XRN2: variants seen among roughly 807,000 people sequenced by gnomAD.
The protein encoded by XRN2 is 5'-3' exoribonuclease 2, also known as DHM1-like protein.
A neutral mutation model predicts 138.5 loss-of-function variants in XRN2; 44 were observed. The observed-to-expected ratio is 0.32, with a 90% CI of 0.25 to 0.41. The LOEUF (loss-of-function observed/expected upper bound fraction) is 0.41, where lower values mean the gene tolerates loss of function less well. Among genes scored for constraint, XRN2 ranks in the 10% least tolerant of loss-of-function variants. The probability of loss-of-function intolerance (pLI) is 1.00; values close to 1 mark genes in which losing one functional copy is unlikely to be tolerated. For synonymous variants in XRN2, 354 were observed against 369.4 expected, an observed-to-expected ratio of 0.96 and a Z score of 0.48; for missense variants, 937 against 1,169.3, an observed-to-expected ratio of 0.80 and a Z score of 2.90.
At chr20:21,375,163 A>T (rs919689524) in intron 27 of XRN2, among the ~76,000 whole-genome samples, 1 of 150,454 alleles carries the variant, frequency 6.6e-6, no homozygotes, top group Non-Finnish European at 1.5e-5. Context: ...TCTTTTCTTG[A>T]TTAGTGTTGC....
In XRN2 at chr20:21,389,437, A is replaced by G; in HGVS notation, c.*99A>G. On this transcript the variant is annotated 3_prime_UTR_variant, in exon 30 of 30. Coordinates refer to ENST00000377191, the MANE Select transcript of XRN2 (RefSeq NM_012255.5). ...AAGTAGTAGTTTTTAATAAAACTACAGTACTTTGTGTATTTCTTTTAACTG... is the reference window on the plus strand; with the variant it reads ...AAGTAGTAGTTTTTAATAAAACTACGGTACTTTGTGTATTTCTTTTAACTG... 1 of 1,089,370 alleles carries G rather than the reference A, an allele frequency of 9.2e-7. No homozygotes were observed. The highest frequency in any genetic ancestry group is 1.3e-6 in the Non-Finnish European group (1 of 756,412). The allele number at this position is 1,089,370 out of a possible 1,614,324, so 67.5% of individuals were successfully genotyped here.
chr20:21,335,940 A>T (rs1017390293), intron 13 of XRN2, among the ~76,000 whole-genome samples: 1 of 152,196 alleles, frequency 6.6e-6, no homozygotes, highest in African/African-American at 2.4e-5. Flanking sequence ...ATGATTGGAC[A>T]CCAGGGGAAA....
intron 27 of XRN2, among the ~76,000 whole-genome samples, chr20:21,373,618 C>T (rs2038786312): frequency 6.6e-6 from 1 of 152,196 alleles, no homozygotes; most frequent in Non-Finnish European, 1.5e-5. Context: ...GTTCTGGTTG[C>T]TTCATGTTGT....
chr20:21,329,828 C>T (rs1600684092), intron 4 of XRN2, among the ~76,000 whole-genome samples: 1 of 77,160 alleles, frequency 1.3e-5, no homozygotes, highest in East Asian at 6.0e-4. Flanking sequence ...ATTTTAGGAA[C>T]TGTTATCAAA....
chr20:21,357,913 T>G, intron 24 of XRN2, 121 bp downstream of exon 24: 1 of 739,012 alleles, frequency 1.4e-6, no homozygotes, highest in Non-Finnish European at 2.2e-6. Flanking sequence ...GCTTCGAGAT[T>G]GGAGAGTCCC....
At chr20:21,350,386 T>C (rs1000876948) in intron 20 of XRN2, among the ~76,000 whole-genome samples, 5 of 151,080 alleles carry the variant, frequency 3.3e-5, no homozygotes, top group East Asian at 1.9e-4. Flanking sequence ...ATTAGCCTGG[T>C]GTGGTGGCGG....
intron 15 of XRN2, 110 bp from the exon 16 acceptor site, chr20:21,343,980 A>G (rs2038404294): frequency 1.3e-6 from 1 of 744,800 alleles, no homozygotes; most frequent in African/African-American, 1.7e-5. Context: ...TCTATGTAGT[A>G]GCTTTAAAAA....
intron 17 of XRN2, among the ~76,000 whole-genome samples, chr20:21,347,871 T>G (rs2038457889): frequency 6.6e-6 from 1 of 152,194 alleles, no homozygotes; most frequent in African/African-American, 2.4e-5. Flanking sequence ...TACCAAATTG[T>G]GTTTGTGAAT....
chr20:21,367,518 C>CTT (rs560407810), intron 26 of XRN2, among the ~76,000 whole-genome samples: 1 of 144,438 alleles, frequency 6.9e-6, no homozygotes, highest in Non-Finnish European at 1.5e-5. Flanking sequence ...ATTCAGATAC[C>CTT]TTTTTTTTTT....
At chr20:21,323,151 C>G (rs1432400961) in intron 1 of XRN2, among the ~76,000 whole-genome samples, 1 of 152,226 alleles carries the variant, frequency 6.6e-6, no homozygotes, top group East Asian at 1.9e-4. Context: ...TGTTAGCCCA[C>G]CTTTGGCAGC....
At chr20:21,368,364 G>A in intron 26 of XRN2, 99 bp from the exon 27 acceptor site, 1 of 1,440,354 alleles carries the variant, frequency 6.9e-7, no homozygotes, top group Non-Finnish European at 9.4e-7. Flanking sequence ...ATCTGTTAGT[G>A]AAGACGTGGC....
chr20:21,387,872 T>C (rs1462370027), intron 29 of XRN2, among the ~76,000 whole-genome samples: 1 of 152,230 alleles, frequency 6.6e-6, no homozygotes, highest in Non-Finnish European at 1.5e-5. Context: ...AGGAACATAT[T>C]TTGTATGTTT....
chr20:21,356,301 C>T, intron 22 of XRN2, 124 bp downstream of exon 22: 1 of 741,632 alleles, frequency 1.3e-6, no homozygotes, highest in Non-Finnish European at 2.1e-6. Context: ...AGTATATTTC[C>T]AGTGTTGTAT....
chr20:21,380,754 T>A (rs1469614489), intron 27 of XRN2, among the ~76,000 whole-genome samples: 3 of 152,260 alleles, frequency 2.0e-5, no homozygotes, highest in Admixed American at 1.3e-4. Context: ...GAGGTGGGTT[T>A]GGCACCCATG....
chr20:21,348,333 T>C lies in XRN2; in HGVS notation c.1774-8T>C. The C allele has an allele frequency of 4.3e-6, 7 of 1,612,960 alleles. No individual in the cohort carries two copies. The highest frequency in any genetic ancestry group is 5.9e-6 in the Non-Finnish European group (7 of 1,179,712). On this transcript the variant is annotated splice_polypyrimidine_tract_variant and splice_region_variant and intron_variant, in intron 18 of 29. Transcript: ENST00000377191. ...ATCTTGGGTCTTTAATGTTTTTTCT[T>C]TTTTCAGTTTAAACCACTAGAACAA...
intron 28 of XRN2, among the ~76,000 whole-genome samples, chr20:21,384,159 GAC>G: frequency 6.6e-6 from 1 of 152,104 alleles, no homozygotes; most frequent in Non-Finnish European, 1.5e-5. Context: ...TCCCAACACA[GAC>G]ACAGCCTAGA....
At chr20:21,340,536 G>A (rs1465882903) in intron 14 of XRN2, among the ~76,000 whole-genome samples, 185 bp from the exon 15 acceptor site, 4 of 152,244 alleles carry the variant, frequency 2.6e-5, no homozygotes, top group African/African-American at 9.6e-5. Flanking sequence ...TGTTTAGAAG[G>A]TATAAGTTAC....
intron 9 of XRN2, among the ~76,000 whole-genome samples, chr20:21,332,723 A>T (rs1281914808): frequency 6.6e-6 from 1 of 152,168 alleles, no homozygotes; most frequent in Non-Finnish European, 1.5e-5. Flanking sequence ...AGTACTTTAA[A>T]ATAAACCTGC....
chr20:21,368,504 A>G lies in XRN2; in HGVS notation c.2498A>G (p.Asn833Ser), dbSNP rs1249452250. The change falls in exon 27 of 30, where the codon AAT becomes AGT. Residue 833 changes from asparagine (N) to serine (S), a missense_variant. Coordinates refer to ENST00000377191, the MANE Select transcript of XRN2 (RefSeq NM_012255.5). Reference sequence around the variant, plus strand: ...GGCTCAGGAACTGGCATTTACAGCAATGCTGCACCACCACCTGTGACTTAC... The same window carrying G: ...GGCTCAGGAACTGGCATTTACAGCAGTGCTGCACCACCACCTGTGACTTAC... ...PRGSGTGIYS[N>S]AAPPPVTYQG... The G allele has an allele frequency of 3.1e-6, 5 of 1,613,952 alleles. No individual in the cohort carries two copies. Among genetic ancestry groups the G allele is most frequent in the Non-Finnish European group, 3.4e-6 (4 of 1,179,970 alleles).
Sources: gnomAD v4.1 joint callset for allele counts (sites outside exome capture counted in the v4.1 genomes callset) on GRCh38, gnomAD v4.1.1 for gene constraint, MANE v1.5 for transcripts, NCBI Gene and HGNC (gene_info 2026-07-23, HGNC 2026-07-21) for gene names.